Variants in NTM observed in about 807,000 individuals in gnomAD.
NTM encodes the protein neurotrimin.
Under a neutral mutation model 42.1 loss-of-function variants are expected in NTM, and 13 were observed. The ratio of observed to expected loss-of-function variants is 0.31; its 90% confidence interval spans 0.20 to 0.49. NTM has a LOEUF of 0.49. Among genes scored for constraint, NTM ranks in the 20% least tolerant of loss-of-function variants. The pLI is 0.99. For synonymous variants in NTM, 187 were observed against 179.2 expected, an observed-to-expected ratio of 1.04 and a Z score of -0.35; for missense variants, 373 against 452.8, an observed-to-expected ratio of 0.82 and a Z score of 1.60.
chr11:131,797,213 G>T (rs2091661478), intron 1 of NTM, among the ~76,000 whole-genome samples: 1 of 152,056 alleles, frequency 6.6e-6, no homozygotes, highest in African/African-American at 2.4e-5. Flanking sequence ...TTTTCCTTGT[G>T]GTTTTCAAGG....
chr11:131,533,221 A>G (rs1193506631), intron 1 of NTM, among the ~76,000 whole-genome samples: 1 of 152,230 alleles, frequency 6.6e-6, no homozygotes, highest in Non-Finnish European at 1.5e-5. Context: ...CAGGAAAACC[A>G]CTGCAAAATC....
At chr11:132,039,529 A>T (rs536805487) in intron 2 of NTM, among the ~76,000 whole-genome samples, 1 of 147,770 alleles carries the variant, frequency 6.8e-6, no homozygotes, top group Non-Finnish European at 1.5e-5. Context: ...TCCTGTCTGG[A>T]TTCTTTTGCT....
intron 1 of NTM, among the ~76,000 whole-genome samples, chr11:131,784,482 CA>C: frequency 6.6e-6 from 1 of 151,778 alleles, no homozygotes; most frequent in Non-Finnish European, 1.5e-5. Context: ...TATGCTGAGC[CA>C]AAAAAACTAG....
At chr11:131,575,304 C>T (rs2137124229) in intron 1 of NTM, among the ~76,000 whole-genome samples, 1 of 152,238 alleles carries the variant, frequency 6.6e-6, no homozygotes, top group Admixed American at 6.5e-5. Context: ...ACAGGGAGCC[C>T]CCCGTCACAT....
chr11:131,376,712 G>A (rs991864398), intron 1 of NTM, among the ~76,000 whole-genome samples: 4 of 148,900 alleles, frequency 2.7e-5, no homozygotes, highest in African/African-American at 5.0e-5. Context: ...TGCCCTTTGC[G>A]ATAAGAAAAG....
intron 1 of NTM, among the ~76,000 whole-genome samples, chr11:131,423,564 T>C (rs1040648466): frequency 6.6e-6 from 1 of 152,238 alleles, no homozygotes; most frequent in Admixed American, 6.5e-5. Context: ...GTTGCTGAGC[T>C]TCTTCCTATT....
intron 4 of NTM, among the ~76,000 whole-genome samples, chr11:132,238,772 A>T (rs1299271492): frequency 6.6e-6 from 1 of 152,138 alleles, no homozygotes; most frequent in Non-Finnish European, 1.5e-5. Context: ...AAGCTGCATA[A>T]AGTCACCTGA....
chr11:131,401,810 A>ATATATATATATATATATATATATGTG (rs1945182270), intron 1 of NTM, among the ~76,000 whole-genome samples: 2 of 13,948 alleles, frequency 1.4e-4, no homozygotes, highest in Non-Finnish European at 1.2e-4. Context: ...ATATATATAT[A>ATATATATATATATATATATATATGTG]TATATATATA....
Position 131,378,847 on chromosome 11 carries a change from C to A in NTM, c.82+7959C>A, listed in dbSNP as rs112614089. Reference sequence around the variant, plus strand: ...AGGAATCAGTTATCCAGCTGCATTGCTTCCACTGCTCCCTCCTTCTCATGG... The same window carrying A: ...AGGAATCAGTTATCCAGCTGCATTGATTCCACTGCTCCCTCCTTCTCATGG... On this transcript the variant is annotated intron_variant, in intron 1 of 8. Transcript: ENST00000683400. 4.3e-3 allele frequency among the ~76,000 whole-genome samples: 659 copies of A among 152,316 alleles called. 9 individuals carry two copies. The highest frequency in any genetic ancestry group is 0.015 in the African/African-American group (637 of 41,560).
chr11:131,513,665 G>A (rs1310645438), intron 1 of NTM, among the ~76,000 whole-genome samples: 1 of 152,192 alleles, frequency 6.6e-6, no homozygotes, highest in Non-Finnish European at 1.5e-5. Flanking sequence ...AGGATCTAAA[G>A]CATTATGATT....
At chr11:132,313,511 T>A (rs2095338928) in intron 6 of NTM, among the ~76,000 whole-genome samples, 1 of 152,170 alleles carries the variant, frequency 6.6e-6, no homozygotes, top group African/African-American at 2.4e-5. Context: ...TAGCATAGAA[T>A]CAGCTTCAGG....
chr11:132,178,474 C>T (rs1221113320), intron 3 of NTM, among the ~76,000 whole-genome samples: 1 of 151,888 alleles, frequency 6.6e-6, no homozygotes, highest in African/African-American at 2.4e-5. Flanking sequence ...TCTCTTTTTC[C>T]TTGGATTTTA....
chr11:131,837,796 C>T (rs1376524606), intron 1 of NTM, among the ~76,000 whole-genome samples: 1 of 152,122 alleles, frequency 6.6e-6, no homozygotes, highest in Non-Finnish European at 1.5e-5. Flanking sequence ...CCCGGGTCCT[C>T]ACCTGGAGAT....
At chr11:131,461,711 AG>A (rs201507652) in intron 1 of NTM, among the ~76,000 whole-genome samples, 1 of 150,234 alleles carries the variant, frequency 6.7e-6, no homozygotes, top group Admixed American at 6.7e-5. Flanking sequence ...CCACAAAAAA[AG>A]ATAACTCTGA....
At chr11:131,455,190 C>T (rs746780044) in intron 1 of NTM, among the ~76,000 whole-genome samples, 27 of 152,188 alleles carry the variant, frequency 1.8e-4, no homozygotes, top group Non-Finnish European at 2.8e-4. Context: ...CAGTAATCGA[C>T]CTGAAATCTG....
intron 1 of NTM, among the ~76,000 whole-genome samples, chr11:131,705,093 G>T: frequency 6.6e-6 from 1 of 152,148 alleles, no homozygotes; most frequent in Non-Finnish European, 1.5e-5. Flanking sequence ...TCCAACATCT[G>T]GAGAGGGAAA....
At chr11:131,464,989 T>C (rs761024219) in intron 1 of NTM, among the ~76,000 whole-genome samples, 4 of 152,242 alleles carry the variant, frequency 2.6e-5, no homozygotes, top group South Asian at 2.1e-4. Flanking sequence ...AAATCACACA[T>C]GTAAACACAC....
At chr11:131,468,535 GT>G (rs546457782) in intron 1 of NTM, among the ~76,000 whole-genome samples, 4 of 151,934 alleles carry the variant, frequency 2.6e-5, no homozygotes, top group African/African-American at 7.3e-5. Context: ...AATTGCTTTG[GT>G]TTTTTTGTGA....
intron 1 of NTM, among the ~76,000 whole-genome samples, chr11:131,611,994 A>G (rs766525860): frequency 7.9e-5 from 12 of 152,184 alleles, no homozygotes; most frequent in Non-Finnish European, 1.5e-4. Context: ...GTCTGTGAAT[A>G]ATAGAAAATG....
Sources: gnomAD v4.1 joint callset for allele counts (sites outside exome capture counted in the v4.1 genomes callset) on GRCh38, gnomAD v4.1.1 for gene constraint, MANE v1.5 for transcripts, NCBI Gene and HGNC (gene_info 2026-07-23, HGNC 2026-07-21) for gene names.